ANKS1B: variants seen among roughly 807,000 people sequenced by gnomAD.
ANKS1B encodes ankyrin repeat and sterile alpha motif domain containing 1B, also known as ankyrin repeat and sterile alpha motif domain-containing protein 1B.
ANKS1B carries 36 observed loss-of-function variants against 148.3 expected under a neutral mutation model. The ratio of observed to expected loss-of-function variants is 0.24; its 90% CI spans 0.19 to 0.32. The LOEUF (loss-of-function observed/expected upper bound fraction) is 0.32. Among genes scored for constraint, ANKS1B ranks in the 10% least tolerant of loss-of-function variants. The probability of loss-of-function intolerance (pLI) is 1.00; values close to 1 mark genes in which losing one functional copy is unlikely to be tolerated. For missense variants in ANKS1B, 1,157 were observed against 1,542.6 expected, an observed-to-expected ratio of 0.75 and a Z score of 4.19; for synonymous variants, 542 against 560.8, an observed-to-expected ratio of 0.97 and a Z score of 0.47.
At chr12:99,073,921 C>G (rs1468491605) in intron 16 of ANKS1B, among the ~76,000 whole-genome samples, 1 of 152,154 alleles carries the variant, frequency 6.6e-6, no homozygotes, top group Non-Finnish European at 1.5e-5. Flanking sequence ...TACTAAGGAG[C>G]AATCTTCCTT....
chr12:99,233,215 T>C (rs2087194508), intron 14 of ANKS1B, among the ~76,000 whole-genome samples: 1 of 152,134 alleles, frequency 6.6e-6, no homozygotes, highest in Non-Finnish European at 1.5e-5. Context: ...AATTGAAATC[T>C]GAAACACTTC....
At chr12:98,957,849 G>T in intron 17 of ANKS1B, among the ~76,000 whole-genome samples, 1 of 152,146 alleles carries the variant, frequency 6.6e-6, no homozygotes, top group East Asian at 1.9e-4. Context: ...TGCTACCACT[G>T]TACAGAAAGA....
rs563618891 is a variant in ANKS1B, at chr12:98,850,322, A to G, written c.2779-18186T>C. On this transcript the variant is annotated intron_variant, in intron 17 of 26. Coordinates refer to ENST00000683438, the MANE Select transcript of ANKS1B (RefSeq NM_001352186.2). ...ATTTGGATATCAAATATGAGAAATT[A>G]TAAGTGCCTTTAGCAGATACTGCTT... Among the ~76,000 whole-genome samples, 29 of 152,320 alleles carry G rather than the reference A, an allele frequency of 1.9e-4. No individual in the cohort carries two copies. In the East Asian group the frequency reaches 4.0e-3, roughly 21 times the overall value.
Position 99,920,486 on chromosome 12 carries a change from CA to C in ANKS1B, c.134+63617del, listed in dbSNP as rs924396040. Among the ~76,000 whole-genome samples the C allele has an allele frequency of 6.5e-3, 863 of 133,036 alleles. 5 individuals carry two copies. The highest frequency in any genetic ancestry group is 0.018 in the African/African-American group (655 of 36,078). The allele number at this position is 133,036 out of a possible 152,430, so 87.3% of individuals were successfully genotyped here. On this transcript the variant is annotated intron_variant, in intron 1 of 26. Transcript: ENST00000683438. The stretch of plus-strand genomic sequence containing the variant: ...GAATTAGTCAAGGTTCTCCAGAGGA[CA>C]AAAAAAAAAATGCATATATACATAT...
intron 11 of ANKS1B, among the ~76,000 whole-genome samples, chr12:99,402,802 T>C (rs1422845619): frequency 6.8e-6 from 1 of 146,224 alleles, no homozygotes; most frequent in Non-Finnish European, 1.5e-5. Context: ...GTCTTTGTAA[T>C]AGAATGATTT....
At chr12:99,467,845 G>A (rs888916664) in intron 10 of ANKS1B, among the ~76,000 whole-genome samples, 24 of 152,228 alleles carry the variant, frequency 1.6e-4, no homozygotes, top group African/African-American at 4.8e-4. Flanking sequence ...AATCAATATC[G>A]TGAAAATGGC....
intron 25 of ANKS1B, among the ~76,000 whole-genome samples, chr12:98,760,712 T>C (rs1448360328): frequency 1.3e-5 from 2 of 152,214 alleles, no homozygotes; most frequent in Non-Finnish European, 2.9e-5. Flanking sequence ...CTTTGAAGTA[T>C]CAAGCTCTTC....
At chr12:99,980,087 C>G (rs1018939856) in intron 1 of ANKS1B, among the ~76,000 whole-genome samples, 21 of 150,626 alleles carry the variant, frequency 1.4e-4, no homozygotes, top group Admixed American at 1.1e-3. Flanking sequence ...TAAAAAGGAA[C>G]AGGAATAATT....
chr12:99,172,766 T>A (rs113461652), intron 14 of ANKS1B, among the ~76,000 whole-genome samples: 306 of 152,198 alleles, frequency 2.0e-3, no homozygotes, highest in African/African-American at 7.2e-3. Flanking sequence ...ACAATTTTTT[T>A]AAAAAAGATG....
At chr12:99,440,543 C>T (rs1398082) in intron 11 of ANKS1B, among the ~76,000 whole-genome samples, 36,789 of 151,408 alleles carry the variant, frequency 0.24, 5,425 homozygotes, top group African/African-American at 0.41. Context: ...AAATAGATTG[C>T]TTCACAATCT....
chr12:98,962,143 A>AT (rs1293545546), intron 17 of ANKS1B, among the ~76,000 whole-genome samples: 2 of 149,202 alleles, frequency 1.3e-5, no homozygotes, highest in South Asian at 2.1e-4. Context: ...GGCTGAATGG[A>AT]TAAAAAAAAA....
intron 12 of ANKS1B, among the ~76,000 whole-genome samples, chr12:99,340,333 C>G (rs2089687985): frequency 6.6e-6 from 1 of 152,090 alleles, no homozygotes; most frequent in African/African-American, 2.4e-5. Flanking sequence ...AGTCAGAGAA[C>G]CTGAACTCAA....
chr12:98,897,208 G>A (rs577430396), intron 17 of ANKS1B, among the ~76,000 whole-genome samples: 1 of 152,016 alleles, frequency 6.6e-6, no homozygotes. Context: ...CAGCAAAATC[G>A]GTTCATACTC....
chr12:98,850,485 T>TTTTTTTG (rs869246099), intron 17 of ANKS1B, among the ~76,000 whole-genome samples: 4 of 133,964 alleles, frequency 3.0e-5, no homozygotes, highest in Non-Finnish European at 3.3e-5. Context: ...TTTTTTTTTT[T>TTTTTTTG]GAGACGGAGT....
At chr12:98,838,784 G>A (rs1486844651) in intron 17 of ANKS1B, among the ~76,000 whole-genome samples, 1 of 152,212 alleles carries the variant, frequency 6.6e-6, no homozygotes, top group Non-Finnish European at 1.5e-5. Context: ...AACTGCAAGT[G>A]TTCTGAGCAG....
At chr12:99,057,904 C>T (rs766017012) in intron 16 of ANKS1B, among the ~76,000 whole-genome samples, 2 of 152,196 alleles carry the variant, frequency 1.3e-5, no homozygotes, top group Non-Finnish European at 2.9e-5. Flanking sequence ...TTGGAATCTA[C>T]CCTAGCTCGA....
chr12:98,831,867 A>G, intron 18 of ANKS1B, 162 bp downstream of exon 18: 1 of 663,778 alleles, frequency 1.5e-6, no homozygotes, highest in Non-Finnish European at 2.7e-6. Context: ...TTCATGTCTC[A>G]GCCTCCGGAG....
At chr12:98,988,711 C>G (rs914862326) in intron 17 of ANKS1B, among the ~76,000 whole-genome samples, 5 of 152,122 alleles carry the variant, frequency 3.3e-5, no homozygotes, top group African/African-American at 9.7e-5. Flanking sequence ...AATTTACATT[C>G]TCTCCAACAG....
chr12:99,132,098 T>C (rs2066294025), intron 15 of ANKS1B, among the ~76,000 whole-genome samples: 1 of 152,144 alleles, frequency 6.6e-6, no homozygotes, highest in African/African-American at 2.4e-5. Context: ...CCTCATGGTT[T>C]CCATGGCAAC....
Sources: allele counts gnomAD v4.1 joint callset (sites outside exome capture counted in the v4.1 genomes callset), GRCh38; gene constraint gnomAD v4.1.1; transcripts MANE v1.5; gene names NCBI Gene and HGNC (gene_info 2026-07-23, HGNC 2026-07-21).